SEMA5A: variants seen among roughly 807,000 people sequenced by gnomAD.
The protein encoded by SEMA5A is semaphorin-5A.
A neutral mutation model predicts 135.5 loss-of-function variants in SEMA5A; 55 were observed. The ratio of observed to expected loss-of-function variants is 0.41; its 90% confidence interval spans 0.33 to 0.51. SEMA5A has a LOEUF of 0.51. SEMA5A is among the 20% of genes least tolerant of loss of function. SEMA5A has a pLI of 0.37. For missense variants in SEMA5A, 1,290 were observed against 1,419.9 expected, an observed-to-expected ratio of 0.91 and a Z score of 1.47; for synonymous variants, 580 against 546.5, an observed-to-expected ratio of 1.06 and a Z score of -0.85.
chr5:9,102,536 G>A (rs1739687831), intron 16 of SEMA5A, among the ~76,000 whole-genome samples: 1 of 152,006 alleles, frequency 6.6e-6, no homozygotes, highest in Non-Finnish European at 1.5e-5. Flanking sequence ...CATTCACAAG[G>A]ATGCTCAGAA....
chr5:9,283,419 A>G (rs115093080), intron 5 of SEMA5A, among the ~76,000 whole-genome samples: 1,552 of 152,282 alleles, frequency 0.01, 28 homozygotes, highest in African/African-American at 0.036. Context: ...TCTCTCCACA[A>G]CATGGAATTT....
In SEMA5A at chr5:9,226,929, A is replaced by C; in HGVS notation, c.372T>G (p.Gly124=). 6.3e-7 allele frequency: 1 copy of C among 1,579,532 alleles called. No individual in the cohort carries two copies. Among genetic ancestry groups the C allele is most frequent in the Non-Finnish European group, 8.6e-7 (1 of 1,160,640 alleles). Residue 124 remains glycine, a synonymous_variant, in exon 7 of 23, where the codon GGT becomes GGG. Transcript: ENST00000382496. ...TCCCACAGGTGAATAACCGGTCGCC[A>C]CCCACCAGAAGCACCCGGATGTAGT... The part of the protein sequence containing the change: ...CQNYIRVLLV[G]GDRLFTCGTN...
intron 3 of SEMA5A, among the ~76,000 whole-genome samples, chr5:9,348,350 A>AT (rs892964497): frequency 2.2e-4 from 34 of 152,118 alleles, no homozygotes; most frequent in African/African-American, 6.8e-4. Flanking sequence ...GGAAAGACAG[A>AT]TTTTTTTTAA....
chr5:9,464,411 TAAG>T (rs1387809877), intron 1 of SEMA5A, among the ~76,000 whole-genome samples: 3 of 152,194 alleles, frequency 2.0e-5, no homozygotes, highest in Non-Finnish European at 2.9e-5. Context: ...AAAGAACTGT[TAAG>T]AAGATGTTAA....
At chr5:9,259,525 T>C (rs1198640899) in intron 5 of SEMA5A, among the ~76,000 whole-genome samples, 1 of 151,436 alleles carries the variant, frequency 6.6e-6, no homozygotes, top group African/African-American at 2.4e-5. Flanking sequence ...AAAATGTATA[T>C]TCTGTTGATT....
chr5:9,205,956 C>G (rs1745991248), intron 8 of SEMA5A, among the ~76,000 whole-genome samples: 1 of 152,156 alleles, frequency 6.6e-6, no homozygotes, highest in African/African-American at 2.4e-5. Context: ...GTAAGACAGA[C>G]AGTCAAATAG....
intron 1 of SEMA5A, among the ~76,000 whole-genome samples, chr5:9,438,706 T>G (rs2126674430): frequency 6.6e-6 from 1 of 152,330 alleles, no homozygotes; most frequent in South Asian, 2.1e-4. Flanking sequence ...TGGCAGCTTC[T>G]GGCTGCTATA....
At chr5:9,162,381 CATGT>C (rs72173224) in intron 11 of SEMA5A, among the ~76,000 whole-genome samples, 16,150 of 93,110 alleles carry the variant, frequency 0.17, 1,467 homozygotes, top group African/African-American at 0.31. Flanking sequence ...TTCAAACAAA[CATGT>C]GTGTGTGTGT....
chr5:9,202,379 C>A, intron 8 of SEMA5A, 139 bp from the exon 9 acceptor site: 1 of 653,410 alleles, frequency 1.5e-6, no homozygotes. Flanking sequence ...TGGGAGGCCC[C>A]GTGAGCAGCT....
At chr5:9,106,468 A>G (rs1215668551) in intron 16 of SEMA5A, among the ~76,000 whole-genome samples, 1 of 152,200 alleles carries the variant, frequency 6.6e-6, no homozygotes, top group Non-Finnish European at 1.5e-5. Context: ...TCAATGAACA[A>G]TGAGAAAATT....
At chr5:9,512,426 T>C (rs1472330317) in intron 1 of SEMA5A, among the ~76,000 whole-genome samples, 2 of 152,232 alleles carry the variant, frequency 1.3e-5, no homozygotes, top group African/African-American at 4.8e-5. Flanking sequence ...GCTCAGTGCA[T>C]AGCAGGGACT....
chr5:9,328,631 C>T (rs1326679881), intron 4 of SEMA5A, among the ~76,000 whole-genome samples: 1 of 152,040 alleles, frequency 6.6e-6, no homozygotes, highest in Non-Finnish European at 1.5e-5. Flanking sequence ...ATACAATTAG[C>T]CGGATATGGT....
chr5:9,490,113 G>C (rs1219552602), intron 1 of SEMA5A, among the ~76,000 whole-genome samples: 3 of 152,092 alleles, frequency 2.0e-5, no homozygotes, highest in African/African-American at 7.2e-5. Flanking sequence ...TAAAATGTCT[G>C]AGCAAATTTC....
chr5:9,303,070 T>A (rs1751686867), intron 5 of SEMA5A, among the ~76,000 whole-genome samples: 1 of 151,640 alleles, frequency 6.6e-6, no homozygotes, highest in South Asian at 2.1e-4. Context: ...ATAGTAAATT[T>A]AACTTAAATA....
rs779776274 is a variant in SEMA5A, at chr5:9,162,564, G to GTATATATATATATA, written c.1274-7883_1274-7870dup. On this transcript the variant is annotated intron_variant, in intron 11 of 22. Coordinates refer to ENST00000382496, the MANE Select transcript of SEMA5A (RefSeq NM_003966.3). ...TGTGTGTATATATGTGTGTGTGTGTGTATATATATATATATATATATACAC... is the reference window on the plus strand; with the variant it reads ...TGTGTGTATATATGTGTGTGTGTGTGTATATATATATATATATATATATATATATATATATACAC... 7.1e-5 allele frequency among the ~76,000 whole-genome samples: 6 copies of GTATATATATATATA among 84,056 alleles called. No homozygotes were observed. In the East Asian group the frequency reaches 9.4e-4, roughly 13 times the overall value. 55.1% of individuals were successfully genotyped at this position (84,056 alleles called of 152,430 possible). A position where few individuals can be genotyped will look rare whatever the true frequency, so the allele number is the denominator to read the frequency against.
intron 3 of SEMA5A, 80 bp downstream of exon 3, chr5:9,379,743 T>TG: frequency 6.6e-7 from 1 of 1,520,300 alleles, no homozygotes; most frequent in South Asian, 1.2e-5. Flanking sequence ...GCATTCGTGA[T>TG]GCTCTATTAT....
intron 16 of SEMA5A, among the ~76,000 whole-genome samples, chr5:9,094,302 T>C (rs78600260): frequency 0.029 from 3,169 of 111,018 alleles, 120 homozygotes; most frequent in African/African-American, 0.14. Flanking sequence ...TTCTTCCACA[T>C]GCAAAATTAT....
chr5:9,244,317 G>A (rs1449633392), intron 5 of SEMA5A, among the ~76,000 whole-genome samples: 2 of 152,166 alleles, frequency 1.3e-5, no homozygotes, highest in African/African-American at 2.4e-5. Flanking sequence ...GCCATGTCCA[G>A]GTACTTATTT....
chr5:9,382,026 T>G (rs1755642854), intron 2 of SEMA5A, among the ~76,000 whole-genome samples: 1 of 149,180 alleles, frequency 6.7e-6, no homozygotes, highest in African/African-American at 2.5e-5. Flanking sequence ...CCAGGCATGG[T>G]GGCTCATGCC....
Sources: allele counts gnomAD v4.1 joint callset (sites outside exome capture counted in the v4.1 genomes callset), GRCh38; gene constraint gnomAD v4.1.1; transcripts MANE v1.5; gene names NCBI Gene and HGNC (gene_info 2026-07-23, HGNC 2026-07-21).